Variants in EXO1 observed in about 807,000 individuals in gnomAD.
EXO1 encodes exonuclease 1.
Under a neutral mutation model 84.5 loss-of-function variants are expected in EXO1, and 69 were observed. The ratio of observed to expected loss-of-function variants is 0.82; its 90% CI spans 0.67 to 1.00. EXO1 has a LOEUF of 1.00. Among genes scored for constraint, EXO1 ranks in the 50% least tolerant of loss-of-function variants. The pLI is 0.00. For missense variants in EXO1, 1,045 were observed against 1,000.7 expected (o/e 1.04, Z -0.60); for synonymous variants, 373 against 366.1 (o/e 1.02, Z -0.21).
rs767626550 is a variant in EXO1 at position 241,885,540 on chromosome 1, A to G, written c.2405+33A>G. 2.6e-5 allele frequency: 39 copies of G among 1,475,392 alleles called. 2 individuals carry two copies. The South Asian group carries it at 4.4e-4, about 17-fold the overall frequency. The allele number at this position is 1,475,392 out of a possible 1,614,324, so 91.4% of individuals were successfully genotyped here. The stretch of plus-strand genomic sequence containing the variant: ...GCCTTGTTTCTTATTCTGAAACAAG[A>G]TAAACTGTTATTTTCTGTAATTTCC... On this transcript the variant is annotated intron_variant, in intron 15 of 15. Transcript: ENST00000366548.
intron 12 of EXO1, among the ~76,000 whole-genome samples, chr1:241,875,603 C>G (rs1662345745): frequency 2.6e-5 from 4 of 152,130 alleles, no homozygotes; most frequent in South Asian, 2.1e-4. Flanking sequence ...ATTGGGCCGG[C>G]CGTGGTGGTT....
At chr1:241,870,360 A>G (rs560452037) in intron 11 of EXO1, among the ~76,000 whole-genome samples, 73 of 152,284 alleles carry the variant, frequency 4.8e-4, no homozygotes, top group African/African-American at 1.7e-3. Context: ...AGCCATTGTG[A>G]CACTCCTAAA....
intron 5 of EXO1, 83 bp from the exon 6 acceptor site, chr1:241,853,275 G>A: frequency 6.7e-7 from 1 of 1,492,394 alleles, no homozygotes; most frequent in Non-Finnish European, 9.3e-7. Context: ...TTCTAGGAAA[G>A]CTTCTTGAAT....
At chr1:241,849,941 G>A (rs1660561089) in intron 3 of EXO1, among the ~76,000 whole-genome samples, 1 of 152,218 alleles carries the variant, frequency 6.6e-6, no homozygotes, top group African/African-American at 2.4e-5. Context: ...TTGTTTGATA[G>A]GGAGGAGCCC....
rs1417909637 is a variant in EXO1, at chr1:241,889,577, G to A, written c.2518G>A (p.Val840Ile). 2 of 1,614,106 alleles carry A rather than the reference G, an allele frequency of 1.2e-6. No individual in the cohort carries two copies. Among genetic ancestry groups the A allele is most frequent in the Non-Finnish European group, 1.7e-6 (2 of 1,179,998 alleles). Residue 840 changes from valine to isoleucine, a missense_variant, in exon 16 of 16, where the codon GTT (valine) becomes ATT (isoleucine). Physicochemically the swap from Val to Ile is conservative, Grantham distance 29 (BLOSUM62 3). Transcript: ENST00000366548. ...DIFNKPECGR[V>I]QRAIFQ The stretch of plus-strand genomic sequence containing the variant: ...ATTTAACAAACCTGAATGTGGCCGT[G>A]TTCAAAGAGCAATATTCCAGTAAAT...
At position 241,889,387 on chromosome 1, in the gene EXO1, A is replaced by G. The variant is rs1218013524; in HGVS notation, c.2406-78A>G. ...GGTCTTATCCTCTTCATGTCCCTCT[A>G]TTTTGTCCAGGTAGAATATTTCTTC... is the stretch of plus-strand genomic sequence containing the variant. On this transcript the variant is annotated intron_variant, in intron 15 of 15. Transcript: ENST00000366548. 3 of 1,306,818 alleles carry G rather than the reference A, an allele frequency of 2.3e-6. No individual in the cohort carries two copies. The African/African-American group carries it at 4.4e-5, about 19-fold the overall frequency. 81.0% of individuals were successfully genotyped at this position (1,306,818 alleles called of 1,614,324 possible).
At chr1:241,873,488 T>TC (rs974522292) in intron 12 of EXO1, among the ~76,000 whole-genome samples, 6 of 152,284 alleles carry the variant, frequency 3.9e-5, no homozygotes, top group African/African-American at 1.4e-4. Flanking sequence ...GGAGTTCCCT[T>TC]CCCCCTCTTT....
intron 13 of EXO1, among the ~76,000 whole-genome samples, chr1:241,880,235 G>A (rs1334953047): frequency 6.6e-6 from 1 of 151,960 alleles, no homozygotes; most frequent in African/African-American, 2.4e-5. Flanking sequence ...TTTCATTTCT[G>A]CTTCATACTG....
At chr1:241,867,217 G>A (rs968925293) in intron 11 of EXO1, among the ~76,000 whole-genome samples, 162 bp downstream of exon 11, 2 of 152,116 alleles carry the variant, frequency 1.3e-5, no homozygotes, top group East Asian at 3.8e-4. Flanking sequence ...CCTGAGACTG[G>A]GCAATTTACA....
At chr1:241,874,098 G>A (rs1380210813) in intron 12 of EXO1, among the ~76,000 whole-genome samples, 7 of 152,128 alleles carry the variant, frequency 4.6e-5, no homozygotes, top group African/African-American at 1.2e-4. Context: ...CTTTAGAGGC[G>A]ATAGAAACAT....
Position 241,876,319 on chromosome 1 carries a change from C to G in EXO1, c.1515-2430C>G, listed in dbSNP as rs1662398733. On this transcript the variant is annotated intron_variant, in intron 12 of 15. Coordinates refer to ENST00000366548, the MANE Select transcript of EXO1 (RefSeq NM_130398.4). ...AATGACTAGACAGGGTATAGGCTCA[C>G]ACCTATAATCTCAGCACTCTGGGAG... 2.0e-5 allele frequency among the ~76,000 whole-genome samples: 3 copies of G among 152,292 alleles called. No homozygotes were observed. In the Middle Eastern group the frequency reaches 0.01, roughly 518 times the overall value.
At chr1:241,883,907 A>G (rs761623452) in intron 14 of EXO1, among the ~76,000 whole-genome samples, 16 of 152,272 alleles carry the variant, frequency 1.1e-4, no homozygotes, top group Middle Eastern at 3.4e-3. Flanking sequence ...ATAGTAAACC[A>G]TCATATTATT....
In EXO1 at chr1:241,848,283, G is replaced by A. The variant is rs936261578; in HGVS notation, c.-490G>A. 4.6e-5 allele frequency: 7 copies of A among 152,462 alleles called. No homozygotes were observed. Among genetic ancestry groups the A allele is most frequent in the African/African-American group, 1.4e-4 (6 of 41,456 alleles). The allele number at this position is 152,462 out of a possible 1,614,324, so 9.4% of individuals were successfully genotyped here. ...GGTGCTCTGGCCACAGTGAGTTAGGGGCGTCGGAGCGGGTTTCTCCAACCG... is the reference window on the plus strand; with the variant it reads ...GGTGCTCTGGCCACAGTGAGTTAGGAGCGTCGGAGCGGGTTTCTCCAACCG... On this transcript the variant is annotated 5_prime_UTR_variant, in exon 1 of 16. Transcript: ENST00000366548. This position sits in a 1 kb window ranked among gnomAD's most constrained non-coding sequence, Gnocchi z 4.2.
chr1:241,855,839 G>T (rs558155164), intron 6 of EXO1, among the ~76,000 whole-genome samples: 1 of 152,360 alleles, frequency 6.6e-6, no homozygotes, highest in Admixed American at 6.5e-5. Context: ...AGCCCTCATT[G>T]CCTGGGGCCG....
At chr1:241,853,561 G>A in intron 6 of EXO1, 80 bp downstream of exon 6, 1 of 1,532,678 alleles carries the variant, frequency 6.5e-7, no homozygotes, top group Admixed American at 1.7e-5. Context: ...GAAAATCAAG[G>A]GTGGAAAATT....
At chr1:241,871,159 T>C (rs1662067039) in intron 11 of EXO1, among the ~76,000 whole-genome samples, 1 of 152,236 alleles carries the variant, frequency 6.6e-6, no homozygotes, top group Non-Finnish European at 1.5e-5. Context: ...TTTCTTCTTC[T>C]GCAAGGACTC....
chr1:241,889,102 C>T (rs1439457004), intron 15 of EXO1, among the ~76,000 whole-genome samples: 1 of 151,990 alleles, frequency 6.6e-6, no homozygotes, highest in African/African-American at 2.4e-5. Flanking sequence ...AAGATTTAAC[C>T]AGGGCTTAAC....
chr1:241,881,657 A>G (rs1776152), intron 13 of EXO1, among the ~76,000 whole-genome samples: 144,178 of 152,322 alleles, frequency 0.95, 68,403 homozygotes, highest in Non-Finnish European at 0.98. Flanking sequence ...TCAGCATTTT[A>G]ACATCCTCTT....
chr1:241,858,533 A>C lies in EXO1; in HGVS notation c.571A>C (p.Asn191His). 6.2e-7 allele frequency: 1 copy of C among 1,614,096 alleles called. No individual in the cohort carries two copies. Among genetic ancestry groups the C allele is most frequent in the Non-Finnish European group, 8.5e-7 (1 of 1,179,932 alleles). Reference protein sequence around the residue: ...KVILKMDQFGNGLEIDQARLG... With the variant: ...KVILKMDQFGHGLEIDQARLG... ...AATTTTAAAGATGGACCAGTTTGGAAATGGACTTGAAATTGATCAAGCTCG... is the reference window on the plus strand; with the variant it reads ...AATTTTAAAGATGGACCAGTTTGGACATGGACTTGAAATTGATCAAGCTCG... Residue 191 changes from asparagine to histidine, a missense_variant, in exon 8 of 16, where the codon AAT becomes CAT. Physicochemically the swap from Asn to His is moderately conservative, Grantham distance 68 (BLOSUM62 1). Transcript: ENST00000366548.
Sources: gnomAD v4.1 joint callset for allele counts (sites outside exome capture counted in the v4.1 genomes callset) on GRCh38, gnomAD v4.1.1 for gene constraint, Gnocchi (gnomAD v3.1) non-coding constraint, MANE v1.5 for transcripts, NCBI Gene and HGNC (gene_info 2026-07-23, HGNC 2026-07-21) for gene names.